GOSR1: variants seen among roughly 807,000 people sequenced by gnomAD.
GOSR1 encodes the protein golgi SNAP receptor complex member 1, also known as 28 kDa Golgi SNARE protein.
GOSR1 carries 21 observed loss-of-function variants against 35.5 expected under a neutral mutation model. The observed-to-expected ratio is 0.59, with a 90% confidence interval of 0.42 to 0.85. The LOEUF (loss-of-function observed/expected upper bound fraction) is 0.85, where lower values mean the gene tolerates loss of function less well. Among genes scored for constraint, GOSR1 ranks in the 40% least tolerant of loss-of-function variants. The pLI, the probability that GOSR1 is intolerant of heterozygous loss-of-function variation, is 0.00. For synonymous variants in GOSR1, 94 were observed against 106.6 expected, an observed-to-expected ratio of 0.88 and a Z score of 0.73; for missense variants, 285 against 309.6, an observed-to-expected ratio of 0.92 and a Z score of 0.60.
intron 8 of GOSR1, 25 bp downstream of exon 8, chr17:30,520,046 CTG>C (rs1211783838): frequency 4.1e-6 from 6 of 1,477,396 alleles, no homozygotes; most frequent in African/African-American, 1.4e-5. Flanking sequence ...TGTTCGCAGT[CTG>C]TGTTTTGAGG....
Position 30,523,215 on chromosome 17 carries a change from G to A in GOSR1, c.*837G>A, listed in dbSNP as rs376406187. ...CCATCCCATCTAGGAAGTGAGGAGCGCCTCTTCCCAGCCGCCATCCCATCT... is the reference window on the plus strand; with the variant it reads ...CCATCCCATCTAGGAAGTGAGGAGCACCTCTTCCCAGCCGCCATCCCATCT... On this transcript the variant is annotated 3_prime_UTR_variant, in exon 9 of 9. Transcript: ENST00000451249. 3.9e-4 allele frequency: 69 copies of A among 176,126 alleles called. 1 individual carries two copies. The East Asian group carries it at 8.9e-3, about 23-fold the overall frequency. 10.9% of individuals were successfully genotyped at this position (176,126 alleles called of 1,614,324 possible).
chr17:30,492,093 C>G (rs1597772015), intron 5 of GOSR1, among the ~76,000 whole-genome samples: 1 of 151,906 alleles, frequency 6.6e-6, no homozygotes, highest in South Asian at 2.1e-4. Context: ...AAAAATTGTT[C>G]CTGATACTTT....
rs975764108 is a variant in GOSR1, at chr17:30,522,532, G to C, written c.*154G>C. ...GTGATGGACTCTGTGACATGGTCAG[G>C]TTGAGCTGAAGCCACAGTTTCTCTG... On this transcript the variant is annotated 3_prime_UTR_variant, in exon 9 of 9. Transcript: ENST00000451249. The C allele has an allele frequency of 6.0e-6, 3 of 495,880 alleles. No homozygotes were observed. Among genetic ancestry groups the C allele is most frequent in the Non-Finnish European group, 1.0e-5 (3 of 287,244 alleles). 30.7% of individuals were successfully genotyped at this position (495,880 alleles called of 1,614,324 possible).
Position 30,519,952 on chromosome 17 carries a change from A to G in GOSR1, c.553A>G (p.Thr185Ala). Reference protein sequence around the residue: ...IEETISIAMATKENMTSQRGM... With the variant: ...IEETISIAMAAKENMTSQRGM... ...TTCCCCTTGCAGCATTGCTATGGCA[A>G]CAAAAGAAAATATGACTTCACAGAG... Residue 185 changes from threonine (T) to alanine (A), a missense_variant, in exon 8 of 9, where the codon ACA becomes GCA. Around this residue, in one of 3 missense-constraint regions of GOSR1, gnomAD observed 168 missense variants for 183.2 expected, o/e 0.92. Transcript: ENST00000451249. 6.2e-7 allele frequency: 1 copy of G among 1,605,328 alleles called. No individual in the cohort carries two copies. Among genetic ancestry groups the G allele is most frequent in the Non-Finnish European group, 8.5e-7 (1 of 1,172,574 alleles).
At chr17:30,483,021 T>G (rs1035043825) in intron 2 of GOSR1, 1 of 152,212 alleles carries the variant, frequency 6.6e-6, no homozygotes, top group Non-Finnish European at 1.5e-5. Flanking sequence ...GATCAGGATT[T>G]GATGTCTATT....
At chr17:30,516,001 C>T (rs1386762287) in intron 7 of GOSR1, among the ~76,000 whole-genome samples, 1 of 152,116 alleles carries the variant, frequency 6.6e-6, no homozygotes, top group Non-Finnish European at 1.5e-5. Flanking sequence ...GAAAGTGATC[C>T]AAATCCTAGT....
chr17:30,496,356 G>A (rs1431239521), intron 6 of GOSR1, among the ~76,000 whole-genome samples: 1 of 152,156 alleles, frequency 6.6e-6, no homozygotes, highest in Non-Finnish European at 1.5e-5. Context: ...GTGATCTCCT[G>A]CATGCCAAGT....
Position 30,481,242 on chromosome 17 carries a change from A to G in GOSR1, c.131A>G (p.Asp44Gly), listed in dbSNP as rs780657983. 4 of 1,608,028 alleles carry G rather than the reference A, an allele frequency of 2.5e-6. No homozygotes were observed. The highest frequency in any genetic ancestry group is 1.1e-5 in the South Asian group (1 of 90,972). The change falls in exon 2 of 9, where the codon GAT becomes GGT. Residue 44 changes from aspartate to glycine, a missense_variant. By Grantham distance (94) the Asp-to-Gly change is moderately conservative. This residue lies in a region of GOSR1 where 108 missense variants were observed against 98.9 expected (regional missense o/e 1.09). Transcript: ENST00000451249. ...AGTTACAGTCATAGCAGTACCCGAG[A>G]TGGAAGACGCGACAGGTATAGGTAC... Reference protein sequence around the residue: ...CTSYSHSSTRDGRRDSSDTTP... With the variant: ...CTSYSHSSTRGGRRDSSDTTP...
At chr17:30,509,631 T>A (rs1175546533) in intron 6 of GOSR1, among the ~76,000 whole-genome samples, 1 of 152,238 alleles carries the variant, frequency 6.6e-6, no homozygotes, top group Non-Finnish European at 1.5e-5. Flanking sequence ...TTCCTACTTC[T>A]GCTGTAAAGA....
chr17:30,495,466 C>T (rs190813765), intron 6 of GOSR1: 71 of 455,396 alleles, frequency 1.6e-4, no homozygotes, highest in Non-Finnish European at 1.2e-4. Flanking sequence ...AAGGAGATAA[C>T]TTACACAAGC....
chr17:30,486,580 A>G (rs1225267123), intron 4 of GOSR1, among the ~76,000 whole-genome samples: 1 of 152,154 alleles, frequency 6.6e-6, no homozygotes, highest in Non-Finnish European at 1.5e-5. Context: ...GTGAGGTAGC[A>G]GGATAAAATT....
chr17:30,497,930 C>T (rs778081909), intron 6 of GOSR1, among the ~76,000 whole-genome samples: 2 of 151,972 alleles, frequency 1.3e-5, no homozygotes, highest in Non-Finnish European at 2.9e-5. Flanking sequence ...TGGTGGCAGG[C>T]GCCTATAATC....
chr17:30,495,020 T>C (rs1191245331), intron 6 of GOSR1, among the ~76,000 whole-genome samples: 38 of 151,186 alleles, frequency 2.5e-4, no homozygotes, highest in African/African-American at 8.7e-4. Context: ...AAAACCCATC[T>C]CTACTAAAAA....
At chr17:30,519,832 T>C (rs182182372) in intron 7 of GOSR1, 107 bp from the exon 8 acceptor site, 1 of 697,846 alleles carries the variant, frequency 1.4e-6, no homozygotes, top group Non-Finnish European at 2.5e-6. Flanking sequence ...CACAGTGCTT[T>C]CTAAGATGAT....
At chr17:30,509,816 CCT>C (rs1301089831) in intron 6 of GOSR1, among the ~76,000 whole-genome samples, 1 of 152,040 alleles carries the variant, frequency 6.6e-6, no homozygotes, top group East Asian at 1.9e-4. Context: ...TAAAAAAAAG[CCT>C]GTTTCCCAAA....
chr17:30,518,738 G>A (rs575039523), intron 7 of GOSR1, among the ~76,000 whole-genome samples: 1 of 152,048 alleles, frequency 6.6e-6, no homozygotes, highest in East Asian at 1.9e-4. Flanking sequence ...AGACCAGCCT[G>A]GGCAACATAG....
intron 6 of GOSR1, among the ~76,000 whole-genome samples, chr17:30,498,131 A>G (rs1967067413): frequency 6.6e-6 from 1 of 151,930 alleles, no homozygotes; most frequent in Admixed American, 6.6e-5. Context: ...TATCAGTATA[A>G]TGAACATTTT....
Position 30,519,921 on chromosome 17 carries a change from CT to C in GOSR1, c.540-11del, listed in dbSNP as rs1312218999. The C allele has an allele frequency of 2.6e-5, 40 of 1,517,926 alleles. No homozygotes were observed. Among genetic ancestry groups the C allele is most frequent in the South Asian group, 3.4e-5 (3 of 88,320 alleles). The allele number at this position is 1,517,926 out of a possible 1,614,324, so 94.0% of individuals were successfully genotyped here. ...ATAATCTTAAATGGTGATTTGTCAT[CT>C]TTTTTTCCCCTTGCAGCATTGCTAT... On this transcript the variant is annotated splice_polypyrimidine_tract_variant and intron_variant, in intron 7 of 8. Coordinates refer to ENST00000451249, the MANE Select transcript of GOSR1 (RefSeq NM_001007025.2).
intron 6 of GOSR1, among the ~76,000 whole-genome samples, chr17:30,496,786 T>A (rs996829708): frequency 2.0e-5 from 3 of 152,164 alleles, no homozygotes; most frequent in Non-Finnish European, 4.4e-5. Flanking sequence ...ATAATAAGAT[T>A]AGAGAGTTGA....
Sources: gnomAD v4.1 joint callset for allele counts (sites outside exome capture counted in the v4.1 genomes callset) on GRCh38, gnomAD v4.1.1 for gene constraint, gnomAD v4.1.1 regional missense constraint, MANE v1.5 for transcripts, NCBI Gene and HGNC (gene_info 2026-07-23, HGNC 2026-07-21) for gene names.